The following DRC11 variants were observed in gnomAD, a reference collection of about 807,000 sequenced individuals.
DRC11 encodes the protein dynein regulatory complex subunit 11, also known as IQ and AAA domain-containing protein 1.
chr2:236,368,231 G>C, the DRC11 span: 1 of 1,611,224 alleles, frequency 6.2e-7, no homozygotes, highest in East Asian at 2.2e-5. Flanking sequence ...TGAGCTGTCT[G>C]ACATCCAGGA....
At chr2:236,418,257 A>T in the DRC11 span, among the ~76,000 whole-genome samples, 1 of 152,172 alleles carries the variant, frequency 6.6e-6, no homozygotes, top group Non-Finnish European at 1.5e-5. Context: ...ACTTTTTAAT[A>T]ATCACCATTC....
chr2:236,471,246 C>T, the DRC11 span, among the ~76,000 whole-genome samples: 8 of 152,028 alleles, frequency 5.3e-5, no homozygotes, highest in African/African-American at 1.7e-4. The surrounding 1 kb of genome is among the most constrained non-coding windows in gnomAD (Gnocchi z 4.6). Flanking sequence ...TCTTACTCTC[C>T]GTGCTTTGCT....
the DRC11 span, among the ~76,000 whole-genome samples, chr2:236,339,152 T>G: frequency 6.6e-6 from 1 of 152,252 alleles, no homozygotes; most frequent in South Asian, 2.1e-4. Flanking sequence ...CCCATTTGGC[T>G]GACGGCTAAT....
the DRC11 span, among the ~76,000 whole-genome samples, chr2:236,365,009 C>T: frequency 6.6e-6 from 1 of 152,204 alleles, no homozygotes; most frequent in Admixed American, 6.5e-5. The surrounding 1 kb of genome is among the most constrained non-coding windows in gnomAD (Gnocchi z 7.4). Flanking sequence ...GGGGCTGCGG[C>T]AATCTAATGG....
the DRC11 span, among the ~76,000 whole-genome samples, chr2:236,409,529 A>G: frequency 6.6e-6 from 1 of 152,098 alleles, no homozygotes; most frequent in Non-Finnish European, 1.5e-5. Flanking sequence ...GGGGTTTTCT[A>G]GATATACAAT....
the DRC11 span, chr2:236,465,416 A>G: frequency 7.4e-5 from 80 of 1,083,088 alleles, no homozygotes; most frequent in Admixed American, 7.9e-4. The surrounding 1 kb of genome is among the most constrained non-coding windows in gnomAD (Gnocchi z 6.2). Context: ...TCATGACTCT[A>G]TATCAATATG....
chr2:236,475,473 C>G, the DRC11 span, among the ~76,000 whole-genome samples: 1 of 152,116 alleles, frequency 6.6e-6, no homozygotes, highest in Non-Finnish European at 1.5e-5. This position sits in a 1 kb window ranked among gnomAD's most constrained non-coding sequence, Gnocchi z 4.8. Context: ...GTATTGGTCT[C>G]CTTTCTTTTT....
the DRC11 span, among the ~76,000 whole-genome samples, chr2:236,480,681 T>A: frequency 6.6e-6 from 1 of 152,234 alleles, no homozygotes; most frequent in Non-Finnish European, 1.5e-5. Context: ...TATTTGGAAT[T>A]ATTGATCTGA....
At chr2:236,399,603 CT>C in the DRC11 span, 14 of 807,232 alleles carry the variant, frequency 1.7e-5, no homozygotes, top group South Asian at 4.5e-5. The surrounding 1 kb of genome is among the most constrained non-coding windows in gnomAD (Gnocchi z 7.0). Context: ...CCTGGTCCCC[CT>C]GGGCAGTGCC....
At chr2:236,350,952 G>A in the DRC11 span, among the ~76,000 whole-genome samples, 3 of 152,246 alleles carry the variant, frequency 2.0e-5, no homozygotes, top group Non-Finnish European at 2.9e-5. The surrounding 1 kb of genome is among the most constrained non-coding windows in gnomAD (Gnocchi z 5.2). Context: ...AAGCTACTTC[G>A]TCCAGGAGGG....
At chr2:236,398,954 C>A in the DRC11 span, among the ~76,000 whole-genome samples, 1 of 152,050 alleles carries the variant, frequency 6.6e-6, no homozygotes, top group African/African-American at 2.4e-5. This position sits in a 1 kb window ranked among gnomAD's most constrained non-coding sequence, Gnocchi z 6.2. Flanking sequence ...ATGCATCTTG[C>A]CTTTTAACCA....
the DRC11 span, among the ~76,000 whole-genome samples, chr2:236,336,190 A>T: frequency 6.6e-6 from 1 of 152,200 alleles, no homozygotes; most frequent in African/African-American, 2.4e-5. This position sits in a 1 kb window ranked among gnomAD's most constrained non-coding sequence, Gnocchi z 7.3. Flanking sequence ...CAATTTATCA[A>T]GACAGAAATA....
chr2:236,343,564 G>A, the DRC11 span: 1 of 448,682 alleles, frequency 2.2e-6, no homozygotes, highest in South Asian at 1.8e-5. This position sits in a 1 kb window ranked among gnomAD's most constrained non-coding sequence, Gnocchi z 6.6. Flanking sequence ...GGGAGAGGGA[G>A]TAGCCCCTGC....
chr2:236,489,387 C>A, the DRC11 span, among the ~76,000 whole-genome samples: 1 of 133,294 alleles, frequency 7.5e-6, no homozygotes, highest in African/African-American at 2.9e-5. Context: ...GCTCTGGGTG[C>A]AGGTGAGGCC....
the DRC11 span, among the ~76,000 whole-genome samples, chr2:236,464,106 A>G: frequency 6.6e-6 from 1 of 152,198 alleles, no homozygotes; most frequent in South Asian, 2.1e-4. Context: ...AGGAAAGGTG[A>G]GCAGGATGAA....
the DRC11 span, among the ~76,000 whole-genome samples, chr2:236,372,265 C>T: frequency 0.021 from 3,146 of 152,178 alleles, 105 homozygotes; most frequent in African/African-American, 0.072. The surrounding 1 kb of genome is among the most constrained non-coding windows in gnomAD (Gnocchi z 4.5). Flanking sequence ...TATAGTAATT[C>T]TTGATTGCCG....
At chr2:236,344,078 AG>A in the DRC11 span, among the ~76,000 whole-genome samples, 1 of 151,008 alleles carries the variant, frequency 6.6e-6, no homozygotes, top group Non-Finnish European at 1.5e-5. Flanking sequence ...GTGGTGGAGG[AG>A]GGGGACCATT....
the DRC11 span, among the ~76,000 whole-genome samples, chr2:236,354,272 T>C: frequency 6.4e-4 from 36 of 55,814 alleles, no homozygotes; most frequent in African/African-American, 1.9e-3. Flanking sequence ...TGTGCGTGTG[T>C]GTGTATGAGT....
the DRC11 span, chr2:236,331,601 T>C: frequency 1.0e-5 from 16 of 1,606,456 alleles, no homozygotes; most frequent in Non-Finnish European, 1.4e-5. The surrounding 1 kb of genome is among the most constrained non-coding windows in gnomAD (Gnocchi z 4.8). Flanking sequence ...CACAGAACTG[T>C]TGTATCCAGA....
Sources: allele counts gnomAD v4.1 joint callset (sites outside exome capture counted in the v4.1 genomes callset), GRCh38; gene constraint gnomAD v4.1.1; non-coding constraint Gnocchi (gnomAD v3.1); transcripts MANE v1.5; gene names NCBI Gene and HGNC (gene_info 2026-07-23, HGNC 2026-07-21).